The following MTCH1 variants were observed in gnomAD, a reference collection of about 807,000 sequenced individuals.
MTCH1 encodes the protein mitochondrial carrier homolog 1.
Under a neutral mutation model 49.3 loss-of-function variants are expected in MTCH1, and 23 were observed. That is an observed-to-expected ratio of 0.47 (90% CI 0.34 to 0.66). The LOEUF (loss-of-function observed/expected upper bound fraction) is 0.66, where lower values mean the gene tolerates loss of function less well. Ranked by LOEUF, MTCH1 falls within the 30% of genes least tolerant of loss-of-function variation. The pLI is 0.01. For synonymous variants in MTCH1, 229 were observed against 215.2 expected (o/e 1.06, Z -0.56); for missense variants, 397 against 532.1 (o/e 0.75, Z 2.50).
intron 1 of MTCH1, among the ~76,000 whole-genome samples, chr6:36,985,485 G>A (rs1391461014): frequency 6.7e-6 from 1 of 149,244 alleles, no homozygotes; most frequent in East Asian, 2.0e-4. Context: ...TTCTTCCCTC[G>A]CCCCAAATTC....
Position 36,986,196 on chromosome 6 carries a change from C to T in MTCH1, c.-23G>A. The stretch of plus-strand genomic sequence containing the variant: ...CATGGCGCCCGGCGGCGAGGTCACT[C>T]CCCGTCACGTGACGGGGCCACGCCC... On this transcript the variant is annotated 5_prime_UTR_variant, in exon 1 of 12. Transcript: ENST00000373627. 2.1e-6 allele frequency: 3 copies of T among 1,405,294 alleles called. No homozygotes were observed. The highest frequency in any genetic ancestry group is 2.8e-6 in the Non-Finnish European group (3 of 1,084,232). The allele number at this position is 1,405,294 out of a possible 1,614,324, so 87.1% of individuals were successfully genotyped here.
Position 36,968,812 on chromosome 6 carries a change from G to A in MTCH1, c.*91C>T, listed in dbSNP as rs761799358. ...CTGGGCTGGAGCACATCTGGTTGTT[G>A]TTGGGTTGGAGTCGTCTTGCAGGTG... On this transcript the variant is annotated 3_prime_UTR_variant, in exon 12 of 12. Coordinates refer to ENST00000373627, the MANE Select transcript of MTCH1 (RefSeq NM_001271641.2). 6.3e-7 allele frequency: 1 copy of A among 1,576,498 alleles called. No individual in the cohort carries two copies. Among genetic ancestry groups the A allele is most frequent in the South Asian group, 1.1e-5 (1 of 89,486 alleles).
chr6:36,977,802 C>T lies in MTCH1; in HGVS notation c.592-111G>A, dbSNP rs1483928517. On this transcript the variant is annotated intron_variant, in intron 4 of 11. Coordinates refer to ENST00000373627, the MANE Select transcript of MTCH1 (RefSeq NM_001271641.2). This position sits in a 1 kb window ranked among gnomAD's most constrained non-coding sequence, Gnocchi z 5.4. ...GGAGAAACCTGTCCCAGGGACTGCA[C>T]ATGGGGTCGGTCTGCCAAGGATGGC... The T allele has an allele frequency of 9.9e-6, 10 of 1,008,318 alleles. No individual in the cohort carries two copies. Among genetic ancestry groups the T allele is most frequent in the Admixed American group, 2.3e-5 (1 of 43,338 alleles). The allele number at this position is 1,008,318 out of a possible 1,614,324, so 62.5% of individuals were successfully genotyped here.
intron 1 of MTCH1, among the ~76,000 whole-genome samples, chr6:36,984,754 C>T (rs551962667): frequency 6.6e-6 from 1 of 152,270 alleles, no homozygotes; most frequent in Admixed American, 6.5e-5. Flanking sequence ...TACCGCATTG[C>T]TGGCCACCAC....
rs1180649882 is a variant in MTCH1 at position 36,982,311 on chromosome 6, C to T, written c.322-639G>A. On this transcript the variant is annotated intron_variant, in intron 1 of 11. Transcript: ENST00000373627. The surrounding 1 kb of genome is among the most constrained non-coding windows in gnomAD (Gnocchi z 4.1). ...CCCTACATCCCTGTGACAAAACGAC[C>T]CCCTCATTTCTGTAGGGCTATGATA... Among the ~76,000 whole-genome samples, 1 of 152,150 alleles carries T rather than the reference C, an allele frequency of 6.6e-6. No individual in the cohort carries two copies. Among genetic ancestry groups the T allele is most frequent in the African/African-American group, 2.4e-5 (1 of 41,394 alleles).
intron 8 of MTCH1, 115 bp from the exon 9 acceptor site, chr6:36,970,809 T>C: frequency 8.6e-7 from 1 of 1,158,772 alleles, no homozygotes; most frequent in Non-Finnish European, 1.3e-6. Context: ...ACGCTGCACA[T>C]GCCTTTCCTG....
chr6:36,978,603 T>G lies in MTCH1; in HGVS notation c.415A>C (p.Ile139Leu), dbSNP rs200017678. 3 of 1,613,956 alleles carry G rather than the reference T, an allele frequency of 1.9e-6. No homozygotes were observed. In the South Asian group the frequency reaches 3.3e-5, roughly 18 times the overall value. Residue 139 changes from isoleucine (I) to leucine (L), a missense_variant, in exon 3 of 12, where the codon ATC becomes CTC. By Grantham distance (5) the Ile-to-Leu change is conservative. Transcript: ENST00000373627. ...LPSFFTYAKY[I>L]VQVDGKIGLF... Reference sequence around the variant, plus strand: ...CCTATCTTACCATCCACTTGCACGATGTACTTGGCTGTAAGAAAACAGAGG... The same window carrying G: ...CCTATCTTACCATCCACTTGCACGAGGTACTTGGCTGTAAGAAAACAGAGG...
At position 36,977,873 on chromosome 6, in the gene MTCH1, G is replaced by A. The variant is rs1447689180; in HGVS notation, c.592-182C>T. ...CAGTCCCCCACCCAGGAGTGCTGTC[G>A]GGTCCCAGGCTAGGCCCAACAATGG... On this transcript the variant is annotated intron_variant, in intron 4 of 11. Transcript: ENST00000373627. This position sits in a 1 kb window ranked among gnomAD's most constrained non-coding sequence, Gnocchi z 5.4. Among the ~76,000 whole-genome samples, 2 of 152,138 alleles carry A rather than the reference G, an allele frequency of 1.3e-5. No individual in the cohort carries two copies. Among genetic ancestry groups the A allele is most frequent in the African/African-American group, 2.4e-5 (1 of 41,424 alleles).
At chr6:36,973,712 C>T (rs1453511155) in intron 7 of MTCH1, among the ~76,000 whole-genome samples, 4 of 152,232 alleles carry the variant, frequency 2.6e-5, no homozygotes, top group African/African-American at 7.2e-5. Context: ...AAAGAGTAGG[C>T]ATCTGTTGTG....
intron 7 of MTCH1, 110 bp downstream of exon 7, chr6:36,975,548 G>C (rs1763847113): frequency 1.1e-5 from 11 of 1,041,604 alleles, no homozygotes; most frequent in Middle Eastern, 2.0e-4. Flanking sequence ...GGCTAGGGCA[G>C]GGCCATGTAG....
At chr6:36,975,526 C>G (rs1763844266) in intron 7 of MTCH1, 132 bp downstream of exon 7, 1 of 818,618 alleles carries the variant, frequency 1.2e-6, no homozygotes, top group South Asian at 1.6e-5. Flanking sequence ...GGAGAGCTGG[C>G]TGCAGCACTC....
In MTCH1 at chr6:36,975,733, G is replaced by T. The variant is rs961426930; in HGVS notation, c.702-16C>A. The T allele has an allele frequency of 1.2e-6, 2 of 1,613,442 alleles. No homozygotes were observed. The highest frequency in any genetic ancestry group is 1.7e-6 in the Non-Finnish European group (2 of 1,179,500). ...CAGCACACCACTGTGAAGAAGGCAA[G>T]ACAGAGATACAGGGTCATGCAGTCA... On this transcript the variant is annotated splice_polypyrimidine_tract_variant and intron_variant, in intron 6 of 11. Coordinates refer to ENST00000373627, the MANE Select transcript of MTCH1 (RefSeq NM_001271641.2).
At chr6:36,986,200 G>A (rs1764313709), upstream of MTCH1, 2 of 1,394,812 alleles carry the variant, frequency 1.4e-6, no homozygotes, top group Non-Finnish European at 1.9e-6. Context: ...GTCACTCCCC[G>A]TCACGTGACG....
At chr6:36,975,754 A>T (rs1227583435) in intron 6 of MTCH1, 37 bp from the exon 7 acceptor site, 2 of 1,600,962 alleles carry the variant, frequency 1.2e-6, no homozygotes, top group Admixed American at 3.3e-5. Context: ...AGGGTCATGC[A>T]GTCACCTACC....
Position 36,968,537 on chromosome 6 carries a change from GA to G in MTCH1, c.*365del. The G allele has an allele frequency of 2.7e-6, 1 of 369,828 alleles. No individual in the cohort carries two copies. The highest frequency in any genetic ancestry group is 5.3e-6 in the Non-Finnish European group (1 of 188,958). The allele number at this position is 369,828 out of a possible 1,614,324, so 22.9% of individuals were successfully genotyped here. On this transcript the variant is annotated 3_prime_UTR_variant, in exon 12 of 12. Coordinates refer to ENST00000373627, the MANE Select transcript of MTCH1 (RefSeq NM_001271641.2). The stretch of plus-strand genomic sequence containing the variant: ...TGCAGGATGGGCGCTGGGCTGACTG[GA>G]GGGGTAGACGGGGTGGGGTCTGACC...
In MTCH1 at chr6:36,970,401, C is replaced by T. The variant is rs1159182020; in HGVS notation, c.1022+5G>A. The T allele has an allele frequency of 2.5e-6, 4 of 1,613,942 alleles. No individual in the cohort carries two copies. Among genetic ancestry groups the T allele is most frequent in the Non-Finnish European group, 3.4e-6 (4 of 1,180,008 alleles). On this transcript the variant is annotated splice_donor_5th_base_variant and intron_variant, in intron 10 of 11. Transcript: ENST00000373627. The stretch of plus-strand genomic sequence containing the variant: ...AGAGTGGCAAGTAGAGGGGCGCACA[C>T]CTACCCGCAGTTGTTCACAGCCATG...
At chr6:36,969,292 C>CA (rs1293460996) in intron 11 of MTCH1, 1 of 985,188 alleles carries the variant, frequency 1.0e-6, no homozygotes, top group Non-Finnish European at 1.2e-6. Flanking sequence ...GAGACACACT[C>CA]ACGCTGACCA....
At chr6:36,969,823 A>G in intron 11 of MTCH1, 4 of 1,507,542 alleles carry the variant, frequency 2.7e-6, no homozygotes, top group Non-Finnish European at 1.8e-6. Context: ...TCTGATGTAT[A>G]ATCTTAAAAT....
chr6:36,982,641 G>A lies in MTCH1; in HGVS notation c.322-969C>T, dbSNP rs139225125. The stretch of plus-strand genomic sequence containing the variant: ...CGACCTCAGGTGATCCACCCGCCTC[G>A]GCCTCCCAAAGTGCTGGGATTACAG... On this transcript the variant is annotated intron_variant, in intron 1 of 11. Coordinates refer to ENST00000373627, the MANE Select transcript of MTCH1 (RefSeq NM_001271641.2). The surrounding 1 kb of genome is among the most constrained non-coding windows in gnomAD (Gnocchi z 4.1). 2.2e-3 allele frequency among the ~76,000 whole-genome samples: 333 copies of A among 152,274 alleles called. 1 individual carries two copies. The highest frequency in any genetic ancestry group is 7.6e-3 in the African/African-American group (315 of 41,548).
Sources: gnomAD v4.1 joint callset for allele counts (sites outside exome capture counted in the v4.1 genomes callset) on GRCh38, gnomAD v4.1.1 for gene constraint, Gnocchi (gnomAD v3.1) non-coding constraint, MANE v1.5 for transcripts, NCBI Gene and HGNC (gene_info 2026-07-23, HGNC 2026-07-21) for gene names.